Variants in PCSK7 observed in about 807,000 individuals in gnomAD.
PCSK7 encodes lymphoma proprotein convertase.
Under a neutral mutation model 73.3 loss-of-function variants are expected in PCSK7, and 38 were observed. The ratio of observed to expected loss-of-function variants is 0.52; its 90% CI spans 0.40 to 0.68. The LOEUF is 0.68. Among genes scored for constraint, PCSK7 ranks in the 30% least tolerant of loss-of-function variants. The pLI is 0.00. For synonymous variants in PCSK7, 296 were observed against 383.8 expected (o/e 0.77, Z 2.68); for missense variants, 692 against 991.5 (o/e 0.70, Z 4.06).
At chr11:117,231,097 G>C (rs937905129) in intron 1 of PCSK7, 2 of 151,268 alleles carry the variant, frequency 1.3e-5, no homozygotes, top group East Asian at 3.9e-4. Context: ...CTGGGGGACA[G>C]ACAAATGGGG....
intron 3 of PCSK7, 149 bp from the exon 4 acceptor site, chr11:117,228,499 G>C: frequency 1.5e-6 from 1 of 666,912 alleles, no homozygotes; most frequent in South Asian, 1.8e-5. Context: ...ACAGAGTCAA[G>C]GAGGAGCAGG....
intron 1 of PCSK7, among the ~76,000 whole-genome samples, chr11:117,230,782 C>G (rs993543298): frequency 6.6e-6 from 1 of 152,120 alleles, no homozygotes; most frequent in Non-Finnish European, 1.5e-5. Context: ...TGGTAGCTAA[C>G]TTCTTGATTT....
At chr11:117,223,679 G>A (rs765228063) in intron 8 of PCSK7, 4 of 346,064 alleles carry the variant, frequency 1.2e-5, no homozygotes, top group African/African-American at 2.1e-5. Context: ...TCCTAGTCTC[G>A]AGGAGCCTAG....
intron 3 of PCSK7, 29 bp downstream of exon 3, chr11:117,229,348 G>A: frequency 6.4e-7 from 1 of 1,558,116 alleles, no homozygotes; most frequent in East Asian, 2.2e-5. Context: ...CTACCCACCT[G>A]AAACTGCAAA....
At chr11:117,224,321 A>C (rs2032325138) in intron 7 of PCSK7, 105 bp from the exon 8 acceptor site, 2 of 1,187,024 alleles carry the variant, frequency 1.7e-6, no homozygotes, top group Middle Eastern at 2.0e-4. Flanking sequence ...AAGGGAAAAA[A>C]GTTCAAAGGG....
chr11:117,206,006 C>T lies in PCSK7; in HGVS notation c.2349G>A (p.Gln783=). Residue 783 remains glutamine (Q), a synonymous_variant, in exon 17 of 17, where the codon CAG becomes CAA. Transcript: ENST00000320934. ...HLDVPHGKEE[Q]IC ...CTGTCAGGCCCTGAGGTCAGCAGAT[C>T]TGCTCCTCCTTCCCGTGCGGTACGT... 1 of 1,174,424 alleles carries T rather than the reference C, an allele frequency of 8.5e-7. No homozygotes were observed. The highest frequency in any genetic ancestry group is 2.5e-5 in the East Asian group (1 of 39,452). The allele number at this position is 1,174,424 out of a possible 1,614,324, so 72.8% of individuals were successfully genotyped here.
chr11:117,228,479 T>C, intron 3 of PCSK7, 129 bp from the exon 4 acceptor site: 1 of 744,016 alleles, frequency 1.3e-6, no homozygotes, highest in Non-Finnish European at 2.3e-6. Flanking sequence ...GACCAATAGG[T>C]CAGGTGGGAA....
Position 117,225,499 on chromosome 11 carries a change from G to A in PCSK7, c.860+432C>T, listed in dbSNP as rs530921602. The A allele has an allele frequency of 6.3e-5, 12 of 189,896 alleles. No individual in the cohort carries two copies. In the East Asian group the frequency reaches 1.4e-3, roughly 22 times the overall value. 11.8% of individuals were successfully genotyped at this position (189,896 alleles called of 1,614,324 possible). ...GTCATGGATTTAAGGGAGGTATGTC[G>A]GGGGAGGAACAGGTGCCATCAATGC... On this transcript the variant is annotated intron_variant, in intron 6 of 16. Transcript: ENST00000320934.
chr11:117,204,556 A>G lies in PCSK7; in HGVS notation c.*1441T>C. The stretch of plus-strand genomic sequence containing the variant: ...GCCTCAGCCCAACTTCTTACCCGAA[A>G]GCATCACTGCCTTGGCCCCTCCCTC... On this transcript the variant is annotated 3_prime_UTR_variant, in exon 17 of 17. Transcript: ENST00000320934. The G allele has an allele frequency of 1.2e-6, 1 of 806,606 alleles. No individual in the cohort carries two copies. Among genetic ancestry groups the G allele is most frequent in the Non-Finnish European group, 2.1e-6 (1 of 486,974 alleles). 50.0% of individuals were successfully genotyped at this position (806,606 alleles called of 1,614,324 possible).
intron 3 of PCSK7, among the ~76,000 whole-genome samples, chr11:117,228,752 C>T (rs954174512): frequency 3.3e-5 from 5 of 151,986 alleles, no homozygotes; most frequent in African/African-American, 7.3e-5. Flanking sequence ...TTCCGAGTAG[C>T]TGCGACTACA....
Position 117,204,508 on chromosome 11 carries a change from G to A in PCSK7, c.*1489C>T. 1 of 1,233,032 alleles carries A rather than the reference G, an allele frequency of 8.1e-7. No individual in the cohort carries two copies. Among genetic ancestry groups the A allele is most frequent in the Non-Finnish European group, 1.2e-6 (1 of 863,302 alleles). 76.4% of individuals were successfully genotyped at this position (1,233,032 alleles called of 1,614,324 possible). Reference sequence around the variant, plus strand: ...CACTGAGCAATGGTAACTGCACCTGGGCAGCTCCTCCCTGTGCCCCCAGCC... The same window carrying A: ...CACTGAGCAATGGTAACTGCACCTGAGCAGCTCCTCCCTGTGCCCCCAGCC... On this transcript the variant is annotated 3_prime_UTR_variant, in exon 17 of 17. Transcript: ENST00000320934.
chr11:117,218,184 C>T lies in PCSK7; in HGVS notation c.1534+282G>A, dbSNP rs1303477711. 2.1e-5 allele frequency: 5 copies of T among 232,710 alleles called. No homozygotes were observed. Among genetic ancestry groups the T allele is most frequent in the Admixed American group, 1.1e-4 (2 of 17,552 alleles). The allele number at this position is 232,710 out of a possible 1,614,324, so 14.4% of individuals were successfully genotyped here. On this transcript the variant is annotated intron_variant, in intron 12 of 16. Transcript: ENST00000320934. This position sits in a 1 kb window ranked among gnomAD's most constrained non-coding sequence, Gnocchi z 4.0. ...CTCACCCCGGTCTCGCCTGACCTCC[C>T]CAAGCCCCAGTCCCATGCCTCCCAC...
intron 6 of PCSK7, 33 bp from the exon 7 acceptor site, chr11:117,224,788 C>T: frequency 6.4e-7 from 1 of 1,574,106 alleles, no homozygotes; most frequent in Non-Finnish European, 8.7e-7. Context: ...AGGGGACAGC[C>T]AGAGCCAGGC....
rs775032924 is a variant in PCSK7 at position 117,219,046 on chromosome 11, C to T, written c.1431+11G>A. On this transcript the variant is annotated intron_variant, in intron 11 of 16. Transcript: ENST00000320934. ...CACACAGGGCACCCTGCCCTGCCAA[C>T]ACCTGTTCACCTTGGCTGCATTCAC... 1 of 1,594,038 alleles carries T rather than the reference C, an allele frequency of 6.3e-7. No homozygotes were observed. Among genetic ancestry groups the T allele is most frequent in the East Asian group, 2.2e-5 (1 of 44,680 alleles).
chr11:117,228,564 G>T (rs1388601777), intron 3 of PCSK7, among the ~76,000 whole-genome samples: 2 of 151,988 alleles, frequency 1.3e-5, no homozygotes, highest in Non-Finnish European at 2.9e-5. Context: ...AGTCATGGGG[G>T]ATTCGGGATA....
chr11:117,230,679 C>T (rs533123163), intron 1 of PCSK7, among the ~76,000 whole-genome samples: 127 of 152,292 alleles, frequency 8.3e-4, no homozygotes, highest in African/African-American at 3.0e-3. Flanking sequence ...TATCGTGCCA[C>T]CCTCTTTTCA....
intron 4 of PCSK7, 102 bp downstream of exon 4, chr11:117,228,114 T>A (rs1313582796): frequency 8.5e-7 from 1 of 1,172,346 alleles, no homozygotes; most frequent in African/African-American, 1.5e-5. Context: ...CCAGGCTCTT[T>A]TATTTGGCCC....
intron 6 of PCSK7, chr11:117,225,266 TGGTCAGGCA>T (rs1238827532): frequency 3.2e-5 from 5 of 156,750 alleles, no homozygotes; most frequent in African/African-American, 1.2e-4. Context: ...TTCACCATGT[TGGTCAGGCA>T]GGTCTTGAAC....
Position 117,227,165 on chromosome 11 carries a change from C to A in PCSK7, c.761G>T (p.Arg254Leu), listed in dbSNP as rs780457857. ...FCAVGVAYGS[R>L]IAGIRVLDGP... The stretch of plus-strand genomic sequence containing the variant: ...CTGGAGGCACAAGTTACCTGCGATG[C>A]GGCTCCCGTAGGCCACGCCCACGGC... Residue 254 changes from arginine to leucine, a missense_variant, in exon 5 of 17, where the codon CGC (arginine) becomes CTC (leucine). Physicochemically the swap from Arg to Leu is moderately radical, Grantham distance 102. Coordinates refer to ENST00000320934, the MANE Select transcript of PCSK7 (RefSeq NM_004716.4). 1.3e-5 allele frequency: 20 copies of A among 1,597,434 alleles called. No homozygotes were observed. Among genetic ancestry groups the A allele is most frequent in the Non-Finnish European group, 1.7e-5 (20 of 1,171,734 alleles).
Sources: allele counts gnomAD v4.1 joint callset (sites outside exome capture counted in the v4.1 genomes callset), GRCh38; gene constraint gnomAD v4.1.1; non-coding constraint Gnocchi (gnomAD v3.1); transcripts MANE v1.5; gene names NCBI Gene and HGNC (gene_info 2026-07-23, HGNC 2026-07-21).